Variants in XYLT1 observed in about 807,000 individuals in gnomAD.
XYLT1 encodes xylosyltransferase 1, also known as beta-D-xylosyltransferase 1.
Under a neutral mutation model 91.3 loss-of-function variants are expected in XYLT1, and 36 were observed. That is an observed-to-expected ratio of 0.39 (90% CI 0.30 to 0.52). The LOEUF (loss-of-function observed/expected upper bound fraction) is 0.52. Among genes scored for constraint, XYLT1 ranks in the 20% least tolerant of loss-of-function variants. The pLI, the probability that XYLT1 is intolerant of heterozygous loss-of-function variation, is 0.68. For missense variants in XYLT1, 1,242 were observed against 1,284.5 expected, an observed-to-expected ratio of 0.97 and a Z score of 0.51; for synonymous variants, 588 against 532.0, an observed-to-expected ratio of 1.11 and a Z score of -1.45.
chr16:17,132,984 A>G (rs1215714924), intron 9 of XYLT1, among the ~76,000 whole-genome samples: 11 of 152,198 alleles, frequency 7.2e-5, no homozygotes. Flanking sequence ...AAAAATGATG[A>G]GTATTACTCT....
At chr16:17,185,215 G>A (rs1443797656) in intron 5 of XYLT1, among the ~76,000 whole-genome samples, 1 of 152,252 alleles carries the variant, frequency 6.6e-6, no homozygotes, top group Non-Finnish European at 1.5e-5. Context: ...GCAAAAGCAG[G>A]AGTGTGTGCT....
chr16:17,200,243 A>C (rs758011263), intron 4 of XYLT1, among the ~76,000 whole-genome samples: 34 of 151,932 alleles, frequency 2.2e-4, no homozygotes, highest in Middle Eastern at 6.8e-3. Flanking sequence ...AAAACCCCCC[A>C]AAAACAGCAT....
intron 3 of XYLT1, among the ~76,000 whole-genome samples, chr16:17,257,937 A>T (rs533117251): frequency 6.6e-6 from 1 of 152,260 alleles, no homozygotes; most frequent in East Asian, 1.9e-4. Context: ...AATCACTACC[A>T]AGAAATACAC....
intron 2 of XYLT1, among the ~76,000 whole-genome samples, chr16:17,282,606 C>T (rs1360118482): frequency 6.6e-6 from 1 of 152,216 alleles, no homozygotes; most frequent in African/African-American, 2.4e-5. Context: ...TTAATTGATG[C>T]ACTGGGAACC....
chr16:17,192,532 CA>C (rs2032336838), intron 5 of XYLT1, among the ~76,000 whole-genome samples: 1 of 152,160 alleles, frequency 6.6e-6, no homozygotes, highest in Admixed American at 6.6e-5. Flanking sequence ...CGAATAAAAC[CA>C]TCATACCTTT....
intron 1 of XYLT1, among the ~76,000 whole-genome samples, chr16:17,406,684 C>T (rs2036036783): frequency 6.6e-6 from 1 of 152,122 alleles, no homozygotes; most frequent in South Asian, 2.1e-4. Flanking sequence ...CGCCAACCTT[C>T]CCCAGCAGGC....
chr16:17,232,431 A>G (rs9932722), intron 3 of XYLT1, among the ~76,000 whole-genome samples: 32,389 of 77,244 alleles, frequency 0.42, 4,766 homozygotes, highest in African/African-American at 0.57. Context: ...GTGTGTGTGT[A>G]TATATATATA....
chr16:17,397,278 C>T (rs2035899234), intron 1 of XYLT1, among the ~76,000 whole-genome samples: 3 of 152,236 alleles, frequency 2.0e-5, no homozygotes, highest in South Asian at 4.2e-4. Context: ...GCATTGCCAT[C>T]GACCTCTATC....
intron 2 of XYLT1, among the ~76,000 whole-genome samples, chr16:17,341,218 A>G (rs2035059477): frequency 6.6e-6 from 1 of 152,168 alleles, no homozygotes; most frequent in African/African-American, 2.4e-5. Flanking sequence ...AGTTTAAAAT[A>G]GGGGGAAAAA....
intron 3 of XYLT1, among the ~76,000 whole-genome samples, chr16:17,205,845 G>A (rs776373294): frequency 3.3e-4 from 51 of 152,286 alleles, no homozygotes; most frequent in Non-Finnish European, 4.6e-4. Context: ...CAAAGCCCTC[G>A]ATTCTATTTA....
chr16:17,374,044 GAGA>G (rs1312451717), intron 1 of XYLT1, among the ~76,000 whole-genome samples: 2 of 152,188 alleles, frequency 1.3e-5, no homozygotes, highest in Non-Finnish European at 2.9e-5. Context: ...TCATCCAGGA[GAGA>G]AGATCAGAAA....
chr16:17,335,683 A>G (rs2034969465), intron 2 of XYLT1, among the ~76,000 whole-genome samples: 1 of 139,606 alleles, frequency 7.2e-6, no homozygotes, highest in Non-Finnish European at 1.5e-5. Flanking sequence ...AACGAGAGCA[A>G]AACTCCATCT....
rs369072144 is a variant in XYLT1, at chr16:17,389,450, T to C, written c.364-31400A>G. 2.1e-3 allele frequency among the ~76,000 whole-genome samples: 315 copies of C among 152,292 alleles called. 1 individual carries two copies. The highest frequency in any genetic ancestry group is 7.1e-3 in the African/African-American group (294 of 41,568). On this transcript the variant is annotated intron_variant, in intron 1 of 11. Coordinates refer to ENST00000261381, the MANE Select transcript of XYLT1 (RefSeq NM_022166.4). ...ATTATGGTTTATCTGCAGGATAGTA[T>C]AGAACAATCATTGTAAGAGGCAGAA... is the stretch of plus-strand genomic sequence containing the variant.
intron 2 of XYLT1, among the ~76,000 whole-genome samples, chr16:17,343,852 G>C (rs1324540532): frequency 6.6e-6 from 1 of 152,130 alleles, no homozygotes; most frequent in African/African-American, 2.4e-5. Context: ...CTTGGCACAT[G>C]CTATCTTGTT....
intron 2 of XYLT1, among the ~76,000 whole-genome samples, chr16:17,332,645 C>T (rs2034918872): frequency 6.6e-6 from 1 of 151,202 alleles, no homozygotes; most frequent in African/African-American, 2.4e-5. Flanking sequence ...ATTACAATTT[C>T]CACAGAATGA....
intron 3 of XYLT1, among the ~76,000 whole-genome samples, chr16:17,204,966 CAAAAAAAAAAAAA>C (rs530525798): frequency 2.5e-5 from 2 of 81,272 alleles, no homozygotes; most frequent in African/African-American, 9.1e-5. Context: ...TGCCCAGCTC[CAAAAAAAAAAAAA>C]AAAAAAAAAA....
At chr16:17,292,804 A>C (rs1448882259) in intron 2 of XYLT1, among the ~76,000 whole-genome samples, 1 of 152,206 alleles carries the variant, frequency 6.6e-6, no homozygotes, top group East Asian at 1.9e-4. Flanking sequence ...AGTGGGGCAC[A>C]TGGGAATACA....
chr16:17,132,424 G>C (rs1033260480), intron 9 of XYLT1, among the ~76,000 whole-genome samples: 1 of 152,144 alleles, frequency 6.6e-6, no homozygotes, highest in African/African-American at 2.4e-5. Context: ...AAAATACAGG[G>C]AGAGAACAAG....
intron 1 of XYLT1, among the ~76,000 whole-genome samples, chr16:17,426,444 G>T (rs191553628): frequency 1.1e-3 from 168 of 152,194 alleles, no homozygotes; most frequent in Non-Finnish European, 2.0e-3. Context: ...TACTCAGGAG[G>T]CTGAGGCATG....
Sources: allele counts gnomAD v4.1 joint callset (sites outside exome capture counted in the v4.1 genomes callset), GRCh38; gene constraint gnomAD v4.1.1; transcripts MANE v1.5; gene names NCBI Gene and HGNC (gene_info 2026-07-23, HGNC 2026-07-21).